Variants in TTLL5 observed in about 807,000 individuals in gnomAD.
The protein encoded by TTLL5 is tubulin tyrosine ligase like 5.
TTLL5 carries 132 observed loss-of-function variants against 168.4 expected under a neutral mutation model. The ratio of observed to expected loss-of-function variants is 0.78; its 90% CI spans 0.68 to 0.91. The LOEUF (loss-of-function observed/expected upper bound fraction) is 0.91. Among genes scored for constraint, TTLL5 ranks in the 40% least tolerant of loss-of-function variants. TTLL5 has a pLI of 0.00. For missense variants in TTLL5, 1,545 were observed against 1,581.5 expected (o/e 0.98, Z 0.39); for synonymous variants, 546 against 558.6 (o/e 0.98, Z 0.32).
intron 17 of TTLL5, among the ~76,000 whole-genome samples, chr14:75,750,004 T>C (rs1463540429): frequency 6.6e-6 from 1 of 152,164 alleles, no homozygotes; most frequent in Non-Finnish European, 1.5e-5. Flanking sequence ...CTTTTTGTAA[T>C]TTTAATGTAC....
At chr14:75,663,910 C>T (rs1241498065) in intron 2 of TTLL5, among the ~76,000 whole-genome samples, 2 of 151,862 alleles carry the variant, frequency 1.3e-5, no homozygotes, top group Non-Finnish European at 2.9e-5. Flanking sequence ...ATGGTGAAAC[C>T]CCATCTCTAC....
At chr14:75,716,388 GT>G (rs1442024010) in intron 9 of TTLL5, among the ~76,000 whole-genome samples, 2 of 151,762 alleles carry the variant, frequency 1.3e-5, no homozygotes, top group African/African-American at 2.4e-5. Flanking sequence ...TGGGTTTGGG[GT>G]TTTTTTTCTT....
intron 24 of TTLL5, among the ~76,000 whole-genome samples, chr14:75,781,360 T>G (rs750473797): frequency 1.6e-4 from 24 of 152,294 alleles, no homozygotes; most frequent in Non-Finnish European, 3.1e-4. Context: ...GTATAGTATC[T>G]GGAGTCATTT....
chr14:75,740,123 T>A (rs1284835146), intron 15 of TTLL5, among the ~76,000 whole-genome samples: 1 of 152,222 alleles, frequency 6.6e-6, no homozygotes, highest in East Asian at 1.9e-4. Context: ...ACTGGAAATA[T>A]AATTTAGAAT....
At position 75,783,316 on chromosome 14, in the gene TTLL5, T is replaced by C. The variant is rs763147414; in HGVS notation, c.2772T>C (p.Ala924=). ...HHSSLSQIPS[A]IPSMPHQPTI... is the part of the protein sequence containing the mutation. ...CTTCTTTATCTCAAATTCCTTCAGC[T>C]ATCCCCAGCATGCCTCACCAGCCAA... The change falls in exon 26 of 32, where the codon GCT becomes GCC. Residue 924 remains alanine (A), a synonymous_variant. Coordinates refer to ENST00000298832, the MANE Select transcript of TTLL5 (RefSeq NM_015072.5). 6.2e-7 allele frequency: 1 copy of C among 1,614,202 alleles called. No homozygotes were observed. Among genetic ancestry groups the C allele is most frequent in the Non-Finnish European group, 8.5e-7 (1 of 1,180,032 alleles).
intron 31 of TTLL5, among the ~76,000 whole-genome samples, chr14:75,917,485 C>T (rs2033660190): frequency 6.6e-6 from 1 of 152,198 alleles, no homozygotes; most frequent in African/African-American, 2.4e-5. Flanking sequence ...GCCCTGTGGC[C>T]TCCGCCTCCC....
intron 5 of TTLL5, 108 bp downstream of exon 5, chr14:75,683,764 G>T: frequency 1.4e-6 from 1 of 732,754 alleles, no homozygotes. Flanking sequence ...TGAAAATGAA[G>T]AAGAAGAAGG....
At chr14:75,925,911 G>A (rs1345892089) in intron 31 of TTLL5, among the ~76,000 whole-genome samples, 1 of 151,936 alleles carries the variant, frequency 6.6e-6, no homozygotes, top group African/African-American at 2.4e-5. Context: ...CCAGTCAGGC[G>A]TGGCGGCGCG....
At chr14:75,900,053 T>G (rs1223605677) in intron 30 of TTLL5, among the ~76,000 whole-genome samples, 1 of 152,072 alleles carries the variant, frequency 6.6e-6, no homozygotes, top group Non-Finnish European at 1.5e-5. Flanking sequence ...GGTTTTTAAC[T>G]TCTGTAAAGG....
intron 31 of TTLL5, among the ~76,000 whole-genome samples, chr14:75,930,865 G>T (rs937239602): frequency 6.6e-6 from 1 of 152,212 alleles, no homozygotes; most frequent in Non-Finnish European, 1.5e-5. Flanking sequence ...TCAGCTTAGA[G>T]AAATATCATC....
chr14:75,922,924 T>G (rs2033880785), intron 31 of TTLL5, among the ~76,000 whole-genome samples: 1 of 152,170 alleles, frequency 6.6e-6, no homozygotes, highest in Admixed American at 6.5e-5. Flanking sequence ...ATTGGTCTAT[T>G]CAGAGATTCA....
At chr14:75,687,210 C>T (rs772015684) in intron 5 of TTLL5, among the ~76,000 whole-genome samples, 1 of 152,010 alleles carries the variant, frequency 6.6e-6, no homozygotes, top group Non-Finnish European at 1.5e-5. Context: ...TTGTGTTAGA[C>T]AAAGGATTCC....
intron 5 of TTLL5, among the ~76,000 whole-genome samples, chr14:75,688,765 T>C (rs1885246092): frequency 1.3e-5 from 2 of 152,198 alleles, no homozygotes; most frequent in Admixed American, 1.3e-4. Context: ...ATTTGGTGTC[T>C]AAAGTGTTGA....
chr14:75,815,142 G>C (rs1440313522), intron 27 of TTLL5, among the ~76,000 whole-genome samples: 1 of 152,154 alleles, frequency 6.6e-6, no homozygotes, highest in African/African-American at 2.4e-5. Flanking sequence ...GAGGGATGTA[G>C]GGGTGTTAGC....
intron 31 of TTLL5, among the ~76,000 whole-genome samples, chr14:75,925,434 G>GCTCCTCA (rs1280327171): frequency 2.1e-5 from 3 of 139,674 alleles, no homozygotes; most frequent in African/African-American, 8.3e-5. Flanking sequence ...GGGCAGAGGC[G>GCTCCTCA]CTCCTCACAT....
chr14:75,884,846 C>G (rs2032017110), intron 30 of TTLL5, among the ~76,000 whole-genome samples: 1 of 151,710 alleles, frequency 6.6e-6, no homozygotes, highest in Non-Finnish European at 1.5e-5. Context: ...AAAAGTTCCC[C>G]CTATGAAGTA....
intron 30 of TTLL5, among the ~76,000 whole-genome samples, chr14:75,897,759 C>T (rs1306831821): frequency 6.6e-6 from 1 of 152,188 alleles, no homozygotes; most frequent in Non-Finnish European, 1.5e-5. Context: ...AGGTGTGAGC[C>T]ACCGCACCTG....
At chr14:75,927,383 C>T (rs2034109772) in intron 31 of TTLL5, among the ~76,000 whole-genome samples, 2 of 151,898 alleles carry the variant, frequency 1.3e-5, no homozygotes, top group African/African-American at 2.4e-5. Flanking sequence ...TTTGTGTATA[C>T]AATAAAAACC....
At chr14:75,925,718 G>A (rs2034028243) in intron 31 of TTLL5, among the ~76,000 whole-genome samples, 2 of 151,994 alleles carry the variant, frequency 1.3e-5, no homozygotes, top group South Asian at 4.1e-4. Flanking sequence ...GGTGGAGGTT[G>A]TAGCAAGCCG....
Sources: gnomAD v4.1 joint callset for allele counts (sites outside exome capture counted in the v4.1 genomes callset) on GRCh38, gnomAD v4.1.1 for gene constraint, MANE v1.5 for transcripts, NCBI Gene and HGNC (gene_info 2026-07-23, HGNC 2026-07-21) for gene names.